HAPSTR1: variants seen among roughly 807,000 people sequenced by gnomAD.
HAPSTR1 encodes HUWE1-associated protein modifying stress responses 1.
At chr16:9,100,227 T>C in the HAPSTR1 span, among the ~76,000 whole-genome samples, 14 of 152,216 alleles carry the variant, frequency 9.2e-5, no homozygotes, top group Non-Finnish European at 2.1e-4. Context: ...GTCAGTTGCA[T>C]AATTTTTTAA....
chr16:9,111,008 AGCC>A, the HAPSTR1 span: 1 of 152,320 alleles, frequency 6.6e-6, no homozygotes, highest in Non-Finnish European at 1.5e-5. Flanking sequence ...ATTGCACTCC[AGCC>A]TGGGCAACAA....
chr16:9,119,036 T>C, the HAPSTR1 span: 1 of 152,682 alleles, frequency 6.5e-6, no homozygotes, highest in Non-Finnish European at 1.5e-5. Flanking sequence ...AGAACACAAT[T>C]TATATGCCTT....
chr16:9,107,936 G>T, the HAPSTR1 span: 1 of 151,882 alleles, frequency 6.6e-6, no homozygotes, highest in African/African-American at 2.4e-5. Context: ...TTTACCACTG[G>T]GGTTATCACA....
At chr16:9,101,990 G>T in the HAPSTR1 span, among the ~76,000 whole-genome samples, 1 of 152,124 alleles carries the variant, frequency 6.6e-6, no homozygotes, top group Non-Finnish European at 1.5e-5. Flanking sequence ...GCATGGTGGC[G>T]TGCGCCTGTA....
At chr16:9,097,329 A>G in the HAPSTR1 span, among the ~76,000 whole-genome samples, 3 of 146,074 alleles carry the variant, frequency 2.1e-5, no homozygotes, top group Non-Finnish European at 3.0e-5. Context: ...TGTAACCTCC[A>G]CCTTCCAGGC....
At chr16:9,091,699 G>C in the HAPSTR1 span, 2 of 399,758 alleles carry the variant, frequency 5.0e-6, no homozygotes, top group Non-Finnish European at 8.8e-6. Context: ...AGGGCTCGGC[G>C]ATCAGCGGCG....
At chr16:9,116,883 C>G in the HAPSTR1 span, 2 of 1,614,144 alleles carry the variant, frequency 1.2e-6, no homozygotes, top group Non-Finnish European at 1.7e-6. Flanking sequence ...TACAGACTCA[C>G]CAACCCATAA....
At chr16:9,107,770 T>G in the HAPSTR1 span, 1 of 152,406 alleles carries the variant, frequency 6.6e-6, no homozygotes, top group Non-Finnish European at 1.5e-5. Flanking sequence ...TCCCAATCTC[T>G]GTAGCCTCCC....
the HAPSTR1 span, among the ~76,000 whole-genome samples, chr16:9,099,965 T>G: frequency 6.6e-6 from 1 of 152,204 alleles, no homozygotes; most frequent in South Asian, 2.1e-4. Flanking sequence ...GGGAAATAAC[T>G]GAGGTTGGGT....
At chr16:9,091,980 C>G in the HAPSTR1 span, 1 of 1,314,950 alleles carries the variant, frequency 7.6e-7, no homozygotes, top group South Asian at 1.9e-5. Context: ...ACGACGCTCC[C>G]GCGGGGGCCC....
chr16:9,095,450 G>T, the HAPSTR1 span, among the ~76,000 whole-genome samples: 5 of 152,006 alleles, frequency 3.3e-5, no homozygotes, highest in African/African-American at 1.2e-4. Flanking sequence ...ATTTAAGGGG[G>T]GAAAAATTTG....
the HAPSTR1 span, among the ~76,000 whole-genome samples, chr16:9,093,730 T>C: frequency 1.1e-4 from 16 of 152,158 alleles, no homozygotes; most frequent in Non-Finnish European, 1.5e-4. Context: ...CCTCCCTTTG[T>C]GATGACATGA....
the HAPSTR1 span, chr16:9,092,180 G>T: frequency 1.3e-6 from 2 of 1,577,898 alleles, no homozygotes; most frequent in Non-Finnish European, 8.6e-7. Flanking sequence ...GCAGGAGGAG[G>T]CGGCGGCCGC....
At chr16:9,103,618 A>G in the HAPSTR1 span, 1 of 193,686 alleles carries the variant, frequency 5.2e-6, no homozygotes, top group East Asian at 1.5e-4. Context: ...TTATATTTCT[A>G]ATGGTCCATG....
At chr16:9,093,071 C>A in the HAPSTR1 span, 2 of 1,435,526 alleles carry the variant, frequency 1.4e-6, no homozygotes, top group Non-Finnish European at 1.9e-6. Context: ...GCCCTGCGTT[C>A]CAAGTGTGTT....
the HAPSTR1 span, among the ~76,000 whole-genome samples, chr16:9,096,564 G>A: frequency 6.6e-6 from 1 of 152,158 alleles, no homozygotes; most frequent in African/African-American, 2.4e-5. Flanking sequence ...GAGCATAACT[G>A]TAAATGTGTG....
chr16:9,097,229 C>G, the HAPSTR1 span, among the ~76,000 whole-genome samples: 7 of 145,686 alleles, frequency 4.8e-5, no homozygotes, highest in African/African-American at 1.8e-4. Context: ...CGTGAGCCAC[C>G]GCGCCTGGCT....
the HAPSTR1 span, among the ~76,000 whole-genome samples, chr16:9,101,349 C>T: frequency 6.6e-6 from 1 of 152,056 alleles, no homozygotes; most frequent in Admixed American, 6.5e-5. Flanking sequence ...CATGTTATAC[C>T]AGTAGTGAGA....
the HAPSTR1 span, among the ~76,000 whole-genome samples, chr16:9,095,113 G>A: frequency 6.6e-6 from 1 of 152,186 alleles, no homozygotes; most frequent in Non-Finnish European, 1.5e-5. Context: ...TTGTTAGTCT[G>A]AACTAGTTTT....
Sources: allele counts gnomAD v4.1 joint callset (sites outside exome capture counted in the v4.1 genomes callset), GRCh38; gene constraint gnomAD v4.1.1; transcripts MANE v1.5; gene names NCBI Gene and HGNC (gene_info 2026-07-23, HGNC 2026-07-21).